The following EFHC2 variants were observed in gnomAD, a reference collection of about 807,000 sequenced individuals.
EFHC2 encodes EF-hand domain containing 2.
Under a neutral mutation model 52.7 loss-of-function variants are expected in EFHC2, and 18 were observed. The ratio of observed to expected loss-of-function variants is 0.34; its 90% CI spans 0.24 to 0.51. The LOEUF (loss-of-function observed/expected upper bound fraction) is 0.51. Ranked by LOEUF, EFHC2 falls within the 20% of genes least tolerant of loss-of-function variation. The pLI is 0.97. For synonymous variants in EFHC2, 203 were observed against 204.1 expected (o/e 0.99, Z 0.04); for missense variants, 513 against 562.5 (o/e 0.91, Z 0.89).
chrX:44,157,750 C>CCTGCCA (rs2036619054), intron 14 of EFHC2, among the ~76,000 whole-genome samples: 1 of 93,068 alleles, frequency 1.1e-5, no homozygotes, highest in Non-Finnish European at 2.1e-5. Context: ...CCCTCCCCGC[C>CCTGCCA]CCGCTTGGTT....
intron 2 of EFHC2, among the ~76,000 whole-genome samples, chrX:44,275,202 A>G (rs1317973586): frequency 9.0e-6 from 1 of 111,705 alleles, no homozygotes; most frequent in East Asian, 2.8e-4. Context: ...TTAAAAGAGA[A>G]GGATGCTAAA....
intron 2 of EFHC2, chrX:44,309,845 G>A (rs1311082038): frequency 5.1e-6 from 6 of 1,178,002 alleles, no homozygotes; most frequent in Middle Eastern, 3.2e-4. Flanking sequence ...CCAATCCAGC[G>A]CAAGGCCCAA....
At chrX:44,203,849 C>T (rs1222028226) in intron 11 of EFHC2, among the ~76,000 whole-genome samples, 1 of 110,969 alleles carries the variant, frequency 9.0e-6, no homozygotes, top group Non-Finnish European at 1.9e-5. Context: ...CCTTGGCCTC[C>T]TAAAATATGG....
At chrX:44,159,966 C>T in intron 14 of EFHC2, among the ~76,000 whole-genome samples, 1 of 112,560 alleles carries the variant, frequency 8.9e-6, no homozygotes, top group Non-Finnish European at 1.9e-5. Context: ...ATCCTCACAA[C>T]CCTAATGGAA....
rs762230563 is a variant in EFHC2, at chrX:44,312,729, G to C, written c.70C>G (p.Gln24Glu). 26 of 1,202,064 alleles carry C rather than the reference G, an allele frequency of 2.2e-5. No individual in the cohort carries two copies. The highest frequency in any genetic ancestry group is 2.7e-5 in the Non-Finnish European group (24 of 892,007). The change falls in exon 2 of 15, where the codon CAA (glutamine) becomes GAA (glutamate). Residue 24 changes from glutamine (Q) to glutamate (E), a missense_variant. Coordinates refer to ENST00000420999, the MANE Select transcript of EFHC2 (RefSeq NM_025184.4). Reference protein sequence around the residue: ...NVGKEKFHKSQHWGFCNNVMM... With the variant: ...NVGKEKFHKSEHWGFCNNVMM... ...ACATTGTTGCAAAAGCCCCAATGTT[G>C]GGATTTGTGAAACTTCTCCTTTCCC...
intron 2 of EFHC2, among the ~76,000 whole-genome samples, chrX:44,280,487 G>T (rs2037693843): frequency 9.0e-6 from 1 of 111,722 alleles, no homozygotes; most frequent in South Asian, 3.7e-4. Context: ...GAACAATAAT[G>T]CCCCTACTAG....
At chrX:44,193,447 A>G (rs1569280644) in intron 11 of EFHC2, among the ~76,000 whole-genome samples, 2 of 112,018 alleles carry the variant, frequency 1.8e-5, no homozygotes, top group Non-Finnish European at 3.8e-5. Context: ...AAATTGATTG[A>G]GACCTTTCTC....
intron 1 of EFHC2, among the ~76,000 whole-genome samples, chrX:44,333,854 G>A (rs1569310669): frequency 8.9e-6 from 1 of 111,760 alleles, no homozygotes; most frequent in African/African-American, 3.2e-5. Context: ...AAGAAGAGCT[G>A]TTTCCCCTCC....
intron 2 of EFHC2, among the ~76,000 whole-genome samples, chrX:44,286,859 A>C (rs1308856677): frequency 9.9e-6 from 1 of 101,500 alleles, no homozygotes; most frequent in Non-Finnish European, 2.0e-5. Context: ...ACAAAAAAAA[A>C]ATAAAAACAA....
intron 1 of EFHC2, among the ~76,000 whole-genome samples, chrX:44,334,872 G>C (rs1245405960): frequency 8.9e-6 from 1 of 112,216 alleles, no homozygotes; most frequent in Non-Finnish European, 1.9e-5. Flanking sequence ...CTCCCACACT[G>C]TCAGCTGCTT....
chrX:44,179,424 A>AT (rs1275140111), intron 11 of EFHC2, among the ~76,000 whole-genome samples: 9 of 112,119 alleles, frequency 8.0e-5, no homozygotes, highest in South Asian at 3.7e-4. Flanking sequence ...GGAATAGAAA[A>AT]TTTTATTTGG....
rs766232908 is a variant in EFHC2 at position 44,155,659 on chromosome X, T to C, written c.2149-6763A>G. 7.1e-5 allele frequency among the ~76,000 whole-genome samples: 8 copies of C among 112,174 alleles called. No homozygotes were observed. In the South Asian group the frequency reaches 3.0e-3, roughly 41 times the overall value. On this transcript the variant is annotated intron_variant, in intron 14 of 14. Transcript: ENST00000420999. ...TCCCCTCTATTCACTAGGAAAAGGA[T>C]GTTTCTATGAGAAATATCTATACAT...
intron 2 of EFHC2, among the ~76,000 whole-genome samples, chrX:44,295,674 TG>T (rs1387352464): frequency 9.1e-6 from 1 of 110,494 alleles, no homozygotes; most frequent in Non-Finnish European, 1.9e-5. Flanking sequence ...GCAGTGGCCA[TG>T]GAAAGAAGCA....
chrX:44,235,505 G>A (rs1368344705), intron 8 of EFHC2, 58 bp from the exon 9 acceptor site: 1 of 1,049,691 alleles, frequency 9.5e-7, no homozygotes, highest in African/African-American at 1.9e-5. Flanking sequence ...CACATATTAT[G>A]TTTTTAAAAG....
At chrX:44,271,122 T>G (rs964752340) in intron 3 of EFHC2, among the ~76,000 whole-genome samples, 2 of 111,846 alleles carry the variant, frequency 1.8e-5, no homozygotes, top group African/African-American at 6.5e-5. Flanking sequence ...ATGTGATCCA[T>G]GAGCCTTCTG....
intron 2 of EFHC2, among the ~76,000 whole-genome samples, chrX:44,302,680 G>A (rs2037876986): frequency 8.9e-6 from 1 of 112,147 alleles, no homozygotes; most frequent in Non-Finnish European, 1.9e-5. Context: ...CTGAAGATCT[G>A]TGTACTTGTG....
intron 3 of EFHC2, among the ~76,000 whole-genome samples, chrX:44,265,268 T>A (rs761318163): frequency 2.1e-4 from 23 of 111,532 alleles, no homozygotes; most frequent in African/African-American, 6.8e-4. Flanking sequence ...CTATTTTATT[T>A]TTTATTTATT....
intron 2 of EFHC2, chrX:44,286,289 G>C (rs1388492982): frequency 8.9e-6 from 1 of 112,539 alleles, no homozygotes; most frequent in African/African-American, 3.2e-5. Context: ...AAAGGAGACC[G>C]GTAGCCTAAC....
intron 1 of EFHC2, among the ~76,000 whole-genome samples, chrX:44,340,496 T>TAAA (rs1263606304): frequency 9.9e-6 from 1 of 101,487 alleles, no homozygotes; most frequent in African/African-American, 3.6e-5. Context: ...TACTAAAAAT[T>TAAA]AAAAAAAAAA....
Sources: allele counts gnomAD v4.1 joint callset (sites outside exome capture counted in the v4.1 genomes callset), GRCh38; gene constraint gnomAD v4.1.1; transcripts MANE v1.5; gene names NCBI Gene and HGNC (gene_info 2026-07-23, HGNC 2026-07-21).